The following ASAP1 variants were observed in gnomAD, a reference collection of about 807,000 sequenced individuals.
The protein encoded by ASAP1 is ArfGAP with SH3 domain, ankyrin repeat and PH domain 1.
A neutral mutation model predicts 145.2 loss-of-function variants in ASAP1; 43 were observed. That is an observed-to-expected ratio of 0.30 (90% CI 0.23 to 0.38). The LOEUF is 0.38. ASAP1 is among the 10% of genes least tolerant of loss of function. The pLI, the probability that ASAP1 is intolerant of heterozygous loss-of-function variation, is 1.00. For synonymous variants in ASAP1, 546 were observed against 515.5 expected (o/e 1.06, Z -0.80); for missense variants, 1,018 against 1,355.3 (o/e 0.75, Z 3.91).
intron 1 of ASAP1, among the ~76,000 whole-genome samples, chr8:130,435,438 G>C (rs999174341): frequency 1.3e-5 from 2 of 152,212 alleles, no homozygotes; most frequent in African/African-American, 4.8e-5. Flanking sequence ...CACTGCCCTT[G>C]CACCTCCAGC....
intron 3 of ASAP1, among the ~76,000 whole-genome samples, chr8:130,338,382 C>T (rs1198358926): frequency 6.6e-6 from 1 of 152,130 alleles, no homozygotes; most frequent in Admixed American, 6.6e-5. Context: ...TAAAAATTAG[C>T]TGCTACAATT....
chr8:130,234,818 A>G (rs1301716744), intron 4 of ASAP1, among the ~76,000 whole-genome samples: 1 of 152,156 alleles, frequency 6.6e-6, no homozygotes, highest in Non-Finnish European at 1.5e-5. Context: ...CAGAGAACTG[A>G]CCATTCTTCC....
At chr8:130,285,006 A>C (rs1268337165) in intron 3 of ASAP1, among the ~76,000 whole-genome samples, 1 of 152,010 alleles carries the variant, frequency 6.6e-6, no homozygotes, top group Non-Finnish European at 1.5e-5. Context: ...TCCCATCCAC[A>C]CCCTATTTAA....
intron 3 of ASAP1, among the ~76,000 whole-genome samples, chr8:130,308,968 G>A (rs1030103148): frequency 6.6e-6 from 1 of 152,166 alleles, no homozygotes; most frequent in Non-Finnish European, 1.5e-5. Context: ...GGGCAGTTGA[G>A]GGAAAGGGAG....
chr8:130,179,966 A>C (rs1814232977), intron 8 of ASAP1, among the ~76,000 whole-genome samples: 1 of 147,258 alleles, frequency 6.8e-6, no homozygotes, highest in African/African-American at 2.5e-5. Context: ...AACAGAAAAA[A>C]GAGAGAAAGA....
intron 14 of ASAP1, 60 bp downstream of exon 14, chr8:130,136,891 T>G: frequency 3.6e-6 from 5 of 1,402,604 alleles, no homozygotes; most frequent in Non-Finnish European, 5.1e-6. Context: ...ACCTGGAGAA[T>G]GGAAATGTGC....
intron 18 of ASAP1, among the ~76,000 whole-genome samples, chr8:130,123,098 G>A (rs568757795): frequency 6.6e-6 from 1 of 152,222 alleles, no homozygotes; most frequent in Non-Finnish European, 1.5e-5. Context: ...GTTCTGTTGT[G>A]TGGCTCTACC....
chr8:130,390,788 G>A (rs570428724), intron 2 of ASAP1, among the ~76,000 whole-genome samples: 3 of 152,322 alleles, frequency 2.0e-5, no homozygotes, highest in Admixed American at 6.5e-5. Flanking sequence ...TGTTGGTGAC[G>A]ATATGGAGAC....
At chr8:130,212,025 G>A (rs1210387230) in intron 5 of ASAP1, among the ~76,000 whole-genome samples, 1 of 152,164 alleles carries the variant, frequency 6.6e-6, no homozygotes, top group Non-Finnish European at 1.5e-5. Flanking sequence ...CCCCCTCGGG[G>A]TGAGTTGGCT....
Position 130,179,252 on chromosome 8 carries a change from T to C in ASAP1, c.746+12A>G. On this transcript the variant is annotated intron_variant, in intron 9 of 29. Transcript: ENST00000518721. ...ATTGGGCTAATAACAATGCTTGCAA[T>C]ATTCTACTCACTTGCACTGTGCATG... The C allele has an allele frequency of 6.5e-7, 1 of 1,546,874 alleles. No homozygotes were observed. Among genetic ancestry groups the C allele is most frequent in the Non-Finnish European group, 8.9e-7 (1 of 1,121,510 alleles).
At chr8:130,136,805 A>G (rs2135817295) in intron 14 of ASAP1, 146 bp downstream of exon 14, 1 of 684,970 alleles carries the variant, frequency 1.5e-6, no homozygotes, top group East Asian at 2.7e-5. Flanking sequence ...GACCTGGGGC[A>G]TCTTCCTAGA....
At chr8:130,384,944 T>C (rs1249913600) in intron 2 of ASAP1, among the ~76,000 whole-genome samples, 1 of 152,104 alleles carries the variant, frequency 6.6e-6, no homozygotes, top group African/African-American at 2.4e-5. Flanking sequence ...AGACTGAACA[T>C]AAATAAAAGC....
intron 24 of ASAP1, among the ~76,000 whole-genome samples, chr8:130,095,380 G>A (rs2097515281): frequency 1.4e-5 from 2 of 141,372 alleles, no homozygotes; most frequent in Admixed American, 1.5e-4. Context: ...GGCTCACCGT[G>A]ACCTCCCCCT....
rs554361672 is a variant in ASAP1, at chr8:130,109,144, G to A, written c.2401+2950C>T. 2.6e-5 allele frequency among the ~76,000 whole-genome samples: 4 copies of A among 152,236 alleles called. No individual in the cohort carries two copies. In the South Asian group the frequency reaches 6.2e-4, roughly 24 times the overall value. On this transcript the variant is annotated intron_variant, in intron 24 of 29. Coordinates refer to ENST00000518721, the MANE Select transcript of ASAP1 (RefSeq NM_018482.4). Reference sequence around the variant, plus strand: ...CAGGGGGAAGCTACTGATCACAAACGAGAAACTACCACACACAAATTAATT... The same window carrying A: ...CAGGGGGAAGCTACTGATCACAAACAAGAAACTACCACACACAAATTAATT...
At chr8:130,283,756 T>C (rs369709406) in intron 3 of ASAP1, among the ~76,000 whole-genome samples, 9 of 152,156 alleles carry the variant, frequency 5.9e-5, no homozygotes, top group South Asian at 2.1e-4. Flanking sequence ...GGTCAGATAA[T>C]AGGATGCCTT....
At chr8:130,098,518 ATTT>A (rs763171255) in intron 24 of ASAP1, among the ~76,000 whole-genome samples, 5 of 151,742 alleles carry the variant, frequency 3.3e-5, no homozygotes, top group Non-Finnish European at 5.9e-5. Context: ...TAATTTTTGT[ATTT>A]TTTTAGTAGA....
intron 4 of ASAP1, among the ~76,000 whole-genome samples, chr8:130,219,303 T>C (rs550380739): frequency 6.7e-6 from 1 of 150,236 alleles, no homozygotes; most frequent in African/African-American, 2.4e-5. Flanking sequence ...ATTAAGGGTT[T>C]ACCCAGCAGA....
At chr8:130,092,322 T>A (rs1207445567) in intron 24 of ASAP1, among the ~76,000 whole-genome samples, 179 bp from the exon 25 acceptor site, 1 of 146,306 alleles carries the variant, frequency 6.8e-6, no homozygotes, top group Non-Finnish European at 1.5e-5. Flanking sequence ...TTCAAAAATT[T>A]GGTTAAAAAA....
Position 130,071,937 on chromosome 8 carries a change from TTATA to T in ASAP1, c.2701+4407_2701+4410del. ...TTAGTTTTCGTCCACAGTTGCTGGC[TTATA>T]ACCCTTGTTATAGTCATCTGTTATT... is the stretch of plus-strand genomic sequence containing the variant. On this transcript the variant is annotated intron_variant, in intron 27 of 29. Coordinates refer to ENST00000518721, the MANE Select transcript of ASAP1 (RefSeq NM_018482.4). 1.3e-5 allele frequency among the ~76,000 whole-genome samples: 2 copies of T among 152,368 alleles called. 1 individual carries two copies. Among genetic ancestry groups the T allele is most frequent in the African/African-American group, 4.8e-5 (2 of 41,582 alleles).
Sources: allele counts gnomAD v4.1 joint callset (sites outside exome capture counted in the v4.1 genomes callset), GRCh38; gene constraint gnomAD v4.1.1; transcripts MANE v1.5; gene names NCBI Gene and HGNC (gene_info 2026-07-23, HGNC 2026-07-21).